The following XYLT1 variants were observed in gnomAD, a reference collection of about 807,000 sequenced individuals.
XYLT1 encodes the protein beta-D-xylosyltransferase 1.
XYLT1 carries 36 observed loss-of-function variants against 91.3 expected under a neutral mutation model. The ratio of observed to expected loss-of-function variants is 0.39; its 90% confidence interval spans 0.30 to 0.52. The LOEUF (loss-of-function observed/expected upper bound fraction) is 0.52. Among genes scored for constraint, XYLT1 ranks in the 20% least tolerant of loss-of-function variants. XYLT1 has a pLI of 0.68. For missense variants in XYLT1, 1,242 were observed against 1,284.5 expected (o/e 0.97, Z 0.51); for synonymous variants, 588 against 532.0 (o/e 1.11, Z -1.45).
intron 3 of XYLT1, among the ~76,000 whole-genome samples, chr16:17,247,994 C>T (rs1177449061): frequency 1.3e-5 from 2 of 152,174 alleles, no homozygotes; most frequent in Non-Finnish European, 2.9e-5. Flanking sequence ...CCCCCAGTCC[C>T]AGCCTGCCAG....
At chr16:17,191,373 G>A (rs1349622170) in intron 5 of XYLT1, among the ~76,000 whole-genome samples, 3 of 152,164 alleles carry the variant, frequency 2.0e-5, no homozygotes, top group Admixed American at 1.3e-4. Context: ...TGGATGCTTG[G>A]ACTTCCATAC....
chr16:17,300,200 A>G (rs1242555650), intron 2 of XYLT1, among the ~76,000 whole-genome samples: 1 of 152,158 alleles, frequency 6.6e-6, no homozygotes, highest in Middle Eastern at 3.2e-3. Context: ...CTTTGTGGAG[A>G]TATTTTTGTG....
At chr16:17,322,500 G>A (rs1226052457) in intron 2 of XYLT1, among the ~76,000 whole-genome samples, 1 of 152,184 alleles carries the variant, frequency 6.6e-6, no homozygotes, top group African/African-American at 2.4e-5. Flanking sequence ...TTTAGATCCA[G>A]AATCTGGCTC....
At chr16:17,212,750 G>A (rs980173296) in intron 3 of XYLT1, among the ~76,000 whole-genome samples, 1 of 152,128 alleles carries the variant, frequency 6.6e-6, no homozygotes, top group African/African-American at 2.4e-5. Context: ...AGAGCCCTGG[G>A]ATATTCTAAT....
rs572988869 is a variant in XYLT1 at position 17,286,860 on chromosome 16, T to C, written c.403-27362A>G. Among the ~76,000 whole-genome samples, 131 of 152,252 alleles carry C rather than the reference T, an allele frequency of 8.6e-4. 1 individual carries two copies. The highest frequency in any genetic ancestry group is 2.9e-3 in the African/African-American group (119 of 41,548). ...GCAAACTTATGAGATGGGGAGTGTT[T>C]TCATTCCAATTTTACAGATGAGGAA... On this transcript the variant is annotated intron_variant, in intron 2 of 11. Transcript: ENST00000261381.
intron 5 of XYLT1, among the ~76,000 whole-genome samples, chr16:17,164,539 T>A (rs936687883): frequency 1.3e-5 from 2 of 152,170 alleles, no homozygotes; most frequent in Non-Finnish European, 2.9e-5. Flanking sequence ...ATTTCTCTCT[T>A]CTATAGCCCC....
chr16:17,384,932 G>C (rs781362218), intron 1 of XYLT1, among the ~76,000 whole-genome samples: 2 of 147,286 alleles, frequency 1.4e-5, no homozygotes, highest in Non-Finnish European at 3.0e-5. Flanking sequence ...AAAATCAATC[G>C]CTGGTGGAAG....
chr16:17,327,434 C>A (rs1033211099), intron 2 of XYLT1, among the ~76,000 whole-genome samples: 6 of 145,068 alleles, frequency 4.1e-5, no homozygotes, highest in Admixed American at 1.4e-4. Context: ...GCCATCTTGG[C>A]TCACTGCAAG....
rs772027889 is a variant in XYLT1, at chr16:17,217,942, G to GAAT, written c.914-17291_914-17289dup. 1.8e-3 allele frequency among the ~76,000 whole-genome samples: 270 copies of GAAT among 146,236 alleles called. 1 individual carries two copies. The highest frequency in any genetic ancestry group is 3.1e-3 in the Non-Finnish European group (206 of 65,920). Reference sequence around the variant, plus strand: ...CTCAAGGCAGGGAGGGTCTTATTTTGAATAATAATAATAATAAAAAAAAAA... The same window carrying GAAT: ...CTCAAGGCAGGGAGGGTCTTATTTTGAATAATAATAATAATAATAAAAAAAAAA... On this transcript the variant is annotated intron_variant, in intron 3 of 11. Coordinates refer to ENST00000261381, the MANE Select transcript of XYLT1 (RefSeq NM_022166.4).
At chr16:17,468,546 C>T (rs2036931264) in intron 1 of XYLT1, among the ~76,000 whole-genome samples, 1 of 152,130 alleles carries the variant, frequency 6.6e-6, no homozygotes, top group Non-Finnish European at 1.5e-5. Flanking sequence ...AGTGTGTTCC[C>T]ACCTACCTCC....
intron 1 of XYLT1, among the ~76,000 whole-genome samples, chr16:17,367,403 C>T (rs890744679): frequency 6.6e-6 from 1 of 152,218 alleles, no homozygotes; most frequent in Non-Finnish European, 1.5e-5. Context: ...ACACACGCCA[C>T]ATCTATAATT....
chr16:17,380,969 G>C (rs2141883485), intron 1 of XYLT1, among the ~76,000 whole-genome samples: 2 of 152,348 alleles, frequency 1.3e-5, no homozygotes. Context: ...CATAGACACA[G>C]AAAGAAGAAT....
intron 2 of XYLT1, among the ~76,000 whole-genome samples, chr16:17,342,519 CGAGA>C (rs2035076445): frequency 6.6e-6 from 1 of 152,030 alleles, no homozygotes; most frequent in Non-Finnish European, 1.5e-5. Context: ...GTTGGGAGTT[CGAGA>C]CCAGCCGGGC....
At chr16:17,320,407 T>C (rs1410631781) in intron 2 of XYLT1, among the ~76,000 whole-genome samples, 2 of 151,752 alleles carry the variant, frequency 1.3e-5, no homozygotes, top group Admixed American at 1.3e-4. Context: ...ATCCAAAACC[T>C]CTTTCTGCCC....
intron 2 of XYLT1, chr16:17,338,074 C>G (rs780841591): frequency 1.5e-5 from 6 of 408,376 alleles, no homozygotes; most frequent in Admixed American, 5.2e-5. Context: ...GGCCCCCGTT[C>G]TACATTTTAA....
At chr16:17,408,059 T>C (rs2036056403) in intron 1 of XYLT1, among the ~76,000 whole-genome samples, 5 of 152,218 alleles carry the variant, frequency 3.3e-5, no homozygotes, top group Non-Finnish European at 7.3e-5. Flanking sequence ...TGCCTAATCT[T>C]GAACTTACCA....
chr16:17,115,374 C>T (rs1414216481), intron 11 of XYLT1, among the ~76,000 whole-genome samples: 3 of 142,538 alleles, frequency 2.1e-5, no homozygotes. Context: ...GTTTCAGCTA[C>T]TTAGGAGGCT....
At chr16:17,138,590 G>T (rs1003675866) in intron 7 of XYLT1, 59 bp from the exon 8 acceptor site, 8 of 1,581,864 alleles carry the variant, frequency 5.1e-6, no homozygotes, top group Admixed American at 1.7e-5. Context: ...AGATGAACTG[G>T]GGTGGGAAAT....
chr16:17,269,374 G>A (rs933787799), intron 2 of XYLT1, among the ~76,000 whole-genome samples: 2 of 151,944 alleles, frequency 1.3e-5, no homozygotes, highest in African/African-American at 4.8e-5. Context: ...TGTAGAGACA[G>A]GACCTTGCTA....
Sources: allele counts gnomAD v4.1 joint callset (sites outside exome capture counted in the v4.1 genomes callset), GRCh38; gene constraint gnomAD v4.1.1; transcripts MANE v1.5; gene names NCBI Gene and HGNC (gene_info 2026-07-23, HGNC 2026-07-21).